Variants in ERC2 observed in about 807,000 individuals in gnomAD.
The protein encoded by ERC2 is ERC protein 2.
In ERC2, 42 loss-of-function variants were observed where a neutral mutation model predicts 114.8. The observed-to-expected ratio is 0.37, with a 90% CI of 0.29 to 0.47. ERC2 has a LOEUF of 0.47. ERC2 is among the 20% of genes least tolerant of loss of function. The pLI is 0.99. For synonymous variants in ERC2, 454 were observed against 425.5 expected, an observed-to-expected ratio of 1.07 and a Z score of -0.82; for missense variants, 939 against 1,150.7, an observed-to-expected ratio of 0.82 and a Z score of 2.66.
chr3:55,764,716 C>T (rs942833298), intron 14 of ERC2, among the ~76,000 whole-genome samples: 1 of 152,134 alleles, frequency 6.6e-6, no homozygotes, highest in Admixed American at 6.6e-5. Flanking sequence ...TTGAATGAAT[C>T]CCCACTTGTA....
intron 3 of ERC2, among the ~76,000 whole-genome samples, chr3:56,174,225 C>A (rs1426545103): frequency 6.6e-6 from 1 of 152,078 alleles, no homozygotes; most frequent in East Asian, 1.9e-4. Flanking sequence ...AGGTAAAAAG[C>A]AAACAACATA....
chr3:55,782,540 G>A, intron 14 of ERC2, among the ~76,000 whole-genome samples: 1 of 152,084 alleles, frequency 6.6e-6, no homozygotes, highest in East Asian at 1.9e-4. Flanking sequence ...ATCCTACTTT[G>A]ATCTATTTAC....
intron 14 of ERC2, 129 bp from the exon 15 acceptor site, chr3:55,735,047 CA>C: frequency 1.0e-6 from 1 of 1,003,464 alleles, no homozygotes; most frequent in Non-Finnish European, 1.4e-6. Context: ...CTACTTAAAA[CA>C]AACTAGCTCT....
chr3:55,674,239 G>A lies in ERC2; in HGVS notation c.*39+9555C>T, dbSNP rs1033111532. Among the ~76,000 whole-genome samples, 28 of 152,172 alleles carry A rather than the reference G, an allele frequency of 1.8e-4. 1 individual carries two copies. Among genetic ancestry groups the A allele is most frequent in the Non-Finnish European group, 1.5e-5 (1 of 68,030 alleles). On this transcript the variant is annotated intron_variant, in intron 17 of 17. Coordinates refer to ENST00000288221, the MANE Select transcript of ERC2 (RefSeq NM_015576.3). ...CCTTTAAAGGCTTAATCCATCAGGT[G>A]GGAGTGGTGGAACCAGTATTTGAAC... is the stretch of plus-strand genomic sequence containing the variant.
chr3:55,916,897 C>T (rs1187566286), intron 13 of ERC2, among the ~76,000 whole-genome samples: 2 of 152,222 alleles, frequency 1.3e-5, no homozygotes, highest in East Asian at 1.9e-4. Context: ...GGGGTGGGCA[C>T]TCAATAAATA....
intron 7 of ERC2, among the ~76,000 whole-genome samples, chr3:56,074,713 G>A (rs2076893089): frequency 6.6e-6 from 1 of 152,156 alleles, no homozygotes; most frequent in African/African-American, 2.4e-5. Context: ...TGTGGGTACA[G>A]CAACAGCCAT....
chr3:55,700,383 T>C (rs1351154110), intron 15 of ERC2, among the ~76,000 whole-genome samples: 2 of 152,238 alleles, frequency 1.3e-5, no homozygotes, highest in African/African-American at 4.8e-5. Context: ...ATTCAAGTCC[T>C]GGCTCCACCT....
intron 7 of ERC2, among the ~76,000 whole-genome samples, chr3:56,053,359 T>TGAGGGATGGGGAGAAGTGGG (rs2075859279): frequency 1.3e-5 from 2 of 152,198 alleles, no homozygotes; most frequent in Non-Finnish European, 2.9e-5. Context: ...GAGGAGACTG[T>TGAGGGATGGGGAGAAGTGGG]GAGGGATGGG....
At chr3:55,605,354 C>T in intron 17 of ERC2, among the ~76,000 whole-genome samples, 1 of 152,146 alleles carries the variant, frequency 6.6e-6, no homozygotes, top group South Asian at 2.1e-4. Flanking sequence ...CCTCAGCCTC[C>T]CCAGTCACTG....
At chr3:55,909,409 A>T (rs1460118263) in intron 13 of ERC2, among the ~76,000 whole-genome samples, 1 of 152,190 alleles carries the variant, frequency 6.6e-6, no homozygotes, top group African/African-American at 2.4e-5. Flanking sequence ...GTTCCCAAGA[A>T]TCTGGGATCT....
At chr3:55,525,541 G>T (rs1434978766) in intron 17 of ERC2, among the ~76,000 whole-genome samples, 1 of 152,226 alleles carries the variant, frequency 6.6e-6, no homozygotes, top group Non-Finnish European at 1.5e-5. Context: ...CTACCGAGTG[G>T]AAGAGGGAAG....
At chr3:55,577,663 C>A (rs2057052428) in intron 17 of ERC2, among the ~76,000 whole-genome samples, 1 of 152,144 alleles carries the variant, frequency 6.6e-6, no homozygotes, top group Admixed American at 6.5e-5. Context: ...GGCTGAACCC[C>A]AAACAGACCC....
chr3:55,996,597 T>A (rs556892029), intron 10 of ERC2, among the ~76,000 whole-genome samples: 82 of 152,324 alleles, frequency 5.4e-4, no homozygotes, highest in African/African-American at 1.8e-3. Context: ...CAGTAAGTTT[T>A]GAGGGACTCC....
chr3:56,384,941 C>A (rs2059882208), intron 2 of ERC2, among the ~76,000 whole-genome samples: 1 of 152,066 alleles, frequency 6.6e-6, no homozygotes, highest in African/African-American at 2.4e-5. Flanking sequence ...AAATGATGGT[C>A]CTTTCCCTAA....
chr3:55,679,363 T>A (rs2061954592), intron 17 of ERC2, among the ~76,000 whole-genome samples: 1 of 152,206 alleles, frequency 6.6e-6, no homozygotes, highest in Non-Finnish European at 1.5e-5. Flanking sequence ...ACTTACTTCC[T>A]TGGAGAGATG....
intron 17 of ERC2, among the ~76,000 whole-genome samples, chr3:55,654,179 C>T (rs754484914): frequency 9.2e-5 from 14 of 152,234 alleles, no homozygotes; most frequent in Non-Finnish European, 1.6e-4. Context: ...ATCCTCCAAA[C>T]TTGATTCCTC....
chr3:55,894,609 A>G (rs930710535), intron 13 of ERC2, among the ~76,000 whole-genome samples: 2 of 152,212 alleles, frequency 1.3e-5, no homozygotes, highest in African/African-American at 4.8e-5. Flanking sequence ...TTATAAAAAA[A>G]GAAGGAAATC....
intron 6 of ERC2, among the ~76,000 whole-genome samples, chr3:56,135,934 C>A (rs1167776320): frequency 6.6e-6 from 1 of 152,080 alleles, no homozygotes; most frequent in Non-Finnish European, 1.5e-5. Context: ...AGGGCAGTAG[C>A]AAAATAAGAA....
intron 16 of ERC2, among the ~76,000 whole-genome samples, chr3:55,684,585 G>C (rs1485418969): frequency 1.3e-5 from 2 of 152,162 alleles, no homozygotes; most frequent in Non-Finnish European, 2.9e-5. Context: ...CTTGTAGAAA[G>C]AAAGTTTTGC....
Sources: allele counts gnomAD v4.1 joint callset (sites outside exome capture counted in the v4.1 genomes callset), GRCh38; gene constraint gnomAD v4.1.1; transcripts MANE v1.5; gene names NCBI Gene and HGNC (gene_info 2026-07-23, HGNC 2026-07-21).